BICDL2: variants seen among roughly 807,000 people sequenced by gnomAD.
BICDL2 encodes the protein BICD family-like cargo adapter 2.
Under a neutral mutation model 56.6 loss-of-function variants are expected in BICDL2, and 62 were observed. That is an observed-to-expected ratio of 1.10 (90% confidence interval 0.89 to 1.35). The LOEUF is 1.35. Among genes scored for constraint, BICDL2 ranks in the 40% most tolerant of loss-of-function variants. BICDL2 has a pLI of 0.00. For synonymous variants in BICDL2, 358 were observed against 319.8 expected (o/e 1.12, Z -1.27); for missense variants, 808 against 684.5 (o/e 1.18, Z -2.01).
intron 2 of BICDL2, chr16:3,031,371 G>C: frequency 3.4e-6 from 2 of 582,796 alleles, no homozygotes; most frequent in Non-Finnish European, 3.1e-6. Flanking sequence ...TGGGCCCGGG[G>C]CAAGGGTTGG....
At chr16:3,030,274 C>T in intron 5 of BICDL2, 175 bp downstream of exon 5, 1 of 780,070 alleles carries the variant, frequency 1.3e-6, no homozygotes, top group Non-Finnish European at 2.0e-6. Context: ...TAAGAGCATG[C>T]CTCACCTGCT....
At position 3,030,931 on chromosome 16, in the gene BICDL2, C is replaced by A; in HGVS notation, c.498+4G>T. 6.5e-7 allele frequency: 1 copy of A among 1,546,242 alleles called. No homozygotes were observed. The stretch of plus-strand genomic sequence containing the variant: ...CCAGGGCCCTGGGGTCAGGGCCATC[C>A]CACCTGAGCCAGCTGCTGGCTGAGC... On this transcript the variant is annotated splice_donor_region_variant and intron_variant, in intron 3 of 9. Transcript: ENST00000572449.
rs926694857 is a variant in BICDL2 at position 3,036,874 on chromosome 16, G to A, written c.-31+20C>T. Reference sequence around the variant, plus strand: ...CCCAGGCTCGAGGGGCCCGGCCCTCGGCGTCCCCCAGGCTCTCACCCGAAG... The same window carrying A: ...CCCAGGCTCGAGGGGCCCGGCCCTCAGCGTCCCCCAGGCTCTCACCCGAAG... On this transcript the variant is annotated intron_variant, in intron 1 of 9. Coordinates refer to ENST00000572449, the MANE Select transcript of BICDL2 (RefSeq NM_001369667.1). The A allele has an allele frequency of 3.8e-5, 11 of 289,218 alleles. No homozygotes were observed. Among genetic ancestry groups the A allele is most frequent in the African/African-American group, 1.7e-4 (7 of 42,016 alleles). 17.9% of individuals were successfully genotyped at this position (289,218 alleles called of 1,614,324 possible). A position where few individuals can be genotyped will look rare whatever the true frequency, so the allele number is the denominator to read the frequency against.
rs1955589353 is a variant in BICDL2, at chr16:3,028,412, G to A, written c.1295C>T (p.Ser432Phe). Residue 432 changes from serine (S) to phenylalanine (F), a missense_variant, in exon 9 of 10, where the codon TCT becomes TTT. Ser to Phe is a radical substitution (Grantham distance 155, BLOSUM62 -2). Coordinates refer to ENST00000572449, the MANE Select transcript of BICDL2 (RefSeq NM_001369667.1). ...GCGGATGGCGCGCAGCAGCTCCCGA[G>A]ACAGGGAGTCTCGCTCCAGCGAGAC... is the stretch of plus-strand genomic sequence containing the variant. ...NRVSLERDSL[S>F]RELLRAIRQK... 20 of 1,557,556 alleles carry A rather than the reference G, an allele frequency of 1.3e-5. No individual in the cohort carries two copies. The highest frequency in any genetic ancestry group is 1.6e-5 in the Non-Finnish European group (19 of 1,160,212).
Position 3,028,201 on chromosome 16 carries a change from A to C in BICDL2, c.1432T>G (p.Ser478Ala), listed in dbSNP as rs760092846. 1.3e-5 allele frequency: 19 copies of C among 1,466,998 alleles called. No individual in the cohort carries two copies. The African/African-American group carries it at 2.8e-4, about 22-fold the overall frequency. The allele number at this position is 1,466,998 out of a possible 1,614,324, so 90.9% of individuals were successfully genotyped here. ...RQKELSASAS[S>A]STPRRAAPRF... ...GGCGCGGCACGGCGCGGGGTCGACG[A>C]CGACGCGGAGGCGCTCAGCTCCTTC... Residue 478 changes from serine (S) to alanine (A), a missense_variant, in exon 10 of 10, where the codon TCG becomes GCG. Ser to Ala is a moderately conservative substitution (Grantham distance 99). Coordinates refer to ENST00000572449, the MANE Select transcript of BICDL2 (RefSeq NM_001369667.1).
At position 3,030,720 on chromosome 16, in the gene BICDL2, C is replaced by T. The variant is rs761259412; in HGVS notation, c.591G>A (p.Thr197=). 9 of 1,612,194 alleles carry T rather than the reference C, an allele frequency of 5.6e-6. No individual in the cohort carries two copies. Among genetic ancestry groups the T allele is most frequent in the African/African-American group, 2.7e-5 (2 of 74,934 alleles). The change falls in exon 4 of 10, where the codon ACG becomes ACA. Residue 197 remains threonine (T), a synonymous_variant. Transcript: ENST00000572449. ...CTTCCCCCTGCAGACTCTCCAGCCG[C>T]GTCCTCAGCTCTGCTCCAGCCAGTG... ...AQALAGAELR[T]RLESLQGENQ...
At position 3,035,244 on chromosome 16, in the gene BICDL2, G is replaced by C. The variant is rs1955715329; in HGVS notation, c.253C>G (p.Leu85Val). Residue 85 changes from leucine (L) to valine (V), a missense_variant, in exon 2 of 10, where the codon CTG becomes GTG. Transcript: ENST00000572449. The stretch of plus-strand genomic sequence containing the variant: ...TCACGCTCCAAGTGCTGGGCGCTCA[G>C]CGTCTCCAGCTGCCGCCGCAGCTCT... Reference protein sequence around the residue: ...NEELRRQLETLSAQHLEREER... With the variant: ...NEELRRQLETVSAQHLEREER... The C allele has an allele frequency of 6.6e-7, 1 of 1,519,730 alleles. No homozygotes were observed. Among genetic ancestry groups the C allele is most frequent in the African/African-American group, 1.4e-5 (1 of 69,972 alleles). 94.1% of individuals were successfully genotyped at this position (1,519,730 alleles called of 1,614,324 possible).
Position 3,031,114 on chromosome 16 carries a change from G to T in BICDL2, c.319C>A (p.Leu107Met), listed in dbSNP as rs1396859438. The change falls in exon 3 of 10, where the codon CTG becomes ATG. Residue 107 changes from leucine (L) to methionine (M), a missense_variant. Transcript: ENST00000572449. ...QQENHELRRG[L>M]AARGAEWEAR... is the part of the protein sequence containing the mutation. ...TCCCACTCGGCTCCTCGGGCTGCCA[G>T]GCCTCGCCGGAGCTCATGGTTCTCC... 6.5e-7 allele frequency: 1 copy of T among 1,535,712 alleles called. No homozygotes were observed. Among genetic ancestry groups the T allele is most frequent in the Admixed American group, 2.0e-5 (1 of 50,948 alleles).
At position 3,029,708 on chromosome 16, in the gene BICDL2, G is replaced by C; in HGVS notation, c.794C>G (p.Ala265Gly). 1 of 1,539,376 alleles carries C rather than the reference G, an allele frequency of 6.5e-7. No homozygotes were observed. The highest frequency in any genetic ancestry group is 8.7e-7 in the Non-Finnish European group (1 of 1,149,848). ...CTGCAGCCTCCGCAGCGCACTCAGC[G>C]CCTCCCCAGCCTCTGACCGTGCGCG... ...LERARSEAGE[A>G]LSALRRLQRR... is the part of the protein sequence containing the mutation. The change falls in exon 6 of 10, where the codon GCG (alanine) becomes GGG (glycine). Residue 265 changes from alanine to glycine, a missense_variant. Coordinates refer to ENST00000572449, the MANE Select transcript of BICDL2 (RefSeq NM_001369667.1).
chr16:3,033,990 TG>T (rs1280087367), intron 2 of BICDL2, among the ~76,000 whole-genome samples: 1 of 151,972 alleles, frequency 6.6e-6, no homozygotes, highest in East Asian at 1.9e-4. Context: ...GGGCAGTGGT[TG>T]GGGCCGACGC....
Position 3,029,641 on chromosome 16 carries a change from G to T in BICDL2, c.861C>A (p.Asp287Glu), listed in dbSNP as rs776389647. ...GCAACGAGGCAGCCGACACGTCGGC[G>T]TCCTGGAGGCGTGACTCCTCCTCCA... is the stretch of plus-strand genomic sequence containing the variant. ...SELEEESRLQ[D>E]ADVSAASLQS... Residue 287 changes from aspartate to glutamate, a missense_variant, in exon 6 of 10, where the codon GAC (aspartate) becomes GAA (glutamate). Coordinates refer to ENST00000572449, the MANE Select transcript of BICDL2 (RefSeq NM_001369667.1). 9.8e-6 allele frequency: 15 copies of T among 1,534,514 alleles called. No homozygotes were observed. The South Asian group carries it at 1.8e-4, about 18-fold the overall frequency.
chr16:3,035,160 C>A (rs1955712506), intron 2 of BICDL2, 55 bp downstream of exon 2: 1 of 1,031,052 alleles, frequency 9.7e-7, no homozygotes, highest in Non-Finnish European at 1.4e-6. Context: ...CCTCTCCAGG[C>A]CCACCCGTCC....
In BICDL2 at chr16:3,027,705, TTTTC is replaced by T; in HGVS notation, c.*397_*400del. The T allele has an allele frequency of 1.3e-6, 2 of 1,486,088 alleles. No homozygotes were observed. The highest frequency in any genetic ancestry group is 8.9e-7 in the Non-Finnish European group (1 of 1,117,786). 92.1% of individuals were successfully genotyped at this position (1,486,088 alleles called of 1,614,324 possible). On this transcript the variant is annotated 3_prime_UTR_variant, in exon 10 of 10. Transcript: ENST00000572449. ...GCTCAGGGTTTTAGAGTGTTTTTCA[TTTTC>T]TTTTTTTTTTTTTTTTTACAATAAA...
At position 3,028,173 on chromosome 16, in the gene BICDL2, CG is replaced by C; in HGVS notation, c.1459del (p.Arg487AlafsTer56). The C allele has an allele frequency of 6.9e-7, 1 of 1,450,976 alleles. No homozygotes were observed. Among genetic ancestry groups the C allele is most frequent in the Non-Finnish European group, 9.0e-7 (1 of 1,111,202 alleles). The allele number at this position is 1,450,976 out of a possible 1,614,324, so 89.9% of individuals were successfully genotyped here. On this transcript the variant is annotated frameshift_variant, in exon 10 of 10. Coordinates refer to ENST00000572449, the MANE Select transcript of BICDL2 (RefSeq NM_001369667.1). LOFTEE classifies it high-confidence loss of function. Reference sequence around the variant, plus strand: ...CCCGGGGCCCAGGCGCAGCGAGAAGCGGGGCGCGGCACGGCGCGGGGTCGAC... The same window carrying C: ...CCCGGGGCCCAGGCGCAGCGAGAAGCGGGCGCGGCACGGCGCGGGGTCGAC... ...SSSTPRRAAP[R>X]FSLRLGPGPA...
chr16:3,030,135 C>T (rs748288987), intron 5 of BICDL2: 14 of 478,928 alleles, frequency 2.9e-5, no homozygotes, highest in Non-Finnish European at 5.2e-5. Flanking sequence ...CATCAGACAC[C>T]GCATCCTCTT....
At position 3,028,483 on chromosome 16, in the gene BICDL2, G is replaced by A; in HGVS notation, c.1239-15C>T. On this transcript the variant is annotated splice_polypyrimidine_tract_variant and intron_variant, in intron 8 of 9. Coordinates refer to ENST00000572449, the MANE Select transcript of BICDL2 (RefSeq NM_001369667.1). ...GCTCCAGGGCCCTAGGCGGGCAGGA[G>A]CAGAAGACGCGTTTGAGGGCGCTAG... 1 of 1,571,128 alleles carries A rather than the reference G, an allele frequency of 6.4e-7. No homozygotes were observed. Among genetic ancestry groups the A allele is most frequent in the Admixed American group, 1.8e-5 (1 of 54,688 alleles).
At chr16:3,036,217 C>G (rs1375920237) in intron 1 of BICDL2, 1 of 453,152 alleles carries the variant, frequency 2.2e-6, no homozygotes, top group African/African-American at 2.0e-5. Context: ...AGCCCTGACC[C>G]TCAGCCCCCC....
chr16:3,035,176 TGCC>T, intron 2 of BICDL2, 36 bp downstream of exon 2: 1 of 136,274 alleles, frequency 7.3e-6, no homozygotes, highest in Non-Finnish European at 1.4e-5. Flanking sequence ...CGTCCTCCCC[TGCC>T]CACCCACCCA....
Position 3,035,203 on chromosome 16 carries a change from G to C in BICDL2, c.282+12C>G, listed in dbSNP as rs1284675298. On this transcript the variant is annotated intron_variant, in intron 2 of 9. Transcript: ENST00000572449. ...CCCACCCACCCACCCACCCCGTCCAGTGCTAGCTCACTTCCTCACGCTCCA... is the reference window on the plus strand; with the variant it reads ...CCCACCCACCCACCCACCCCGTCCACTGCTAGCTCACTTCCTCACGCTCCA... The C allele has an allele frequency of 9.7e-7, 1 of 1,026,516 alleles. No homozygotes were observed. The highest frequency in any genetic ancestry group is 1.2e-6 in the Non-Finnish European group (1 of 860,642). The allele number at this position is 1,026,516 out of a possible 1,614,324, so 63.6% of individuals were successfully genotyped here.
Sources: gnomAD v4.1 joint callset for allele counts (sites outside exome capture counted in the v4.1 genomes callset) on GRCh38, gnomAD v4.1.1 for gene constraint, MANE v1.5 for transcripts, NCBI Gene and HGNC (gene_info 2026-07-23, HGNC 2026-07-21) for gene names.